The following MYRIP variants were observed in gnomAD, a reference collection of about 807,000 sequenced individuals.
The protein encoded by MYRIP is rab effector MyRIP.
Under a neutral mutation model 98.0 loss-of-function variants are expected in MYRIP, and 49 were observed. The observed-to-expected ratio is 0.50, with a 90% CI of 0.40 to 0.63. The LOEUF is 0.63. Among genes scored for constraint, MYRIP ranks in the 30% least tolerant of loss-of-function variants. MYRIP has a pLI of 0.00. For missense variants in MYRIP, 1,004 were observed against 1,058.2 expected (o/e 0.95, Z 0.71); for synonymous variants, 404 against 409.5 (o/e 0.99, Z 0.16).
Position 39,846,759 on chromosome 3 carries a change from A to G in MYRIP, c.-31+36843A>G, listed in dbSNP as rs72868108. Reference sequence around the variant, plus strand: ...ATCAATACAATATGCATATTTATAGAAATAGATTTATTTTAAAGACTTGGA... The same window carrying G: ...ATCAATACAATATGCATATTTATAGGAATAGATTTATTTTAAAGACTTGGA... On this transcript the variant is annotated intron_variant, in intron 1 of 16. Coordinates refer to ENST00000302541, the MANE Select transcript of MYRIP (RefSeq NM_015460.4). 1.5e-3 allele frequency among the ~76,000 whole-genome samples: 233 copies of G among 152,308 alleles called. 1 individual carries two copies. Among genetic ancestry groups the G allele is most frequent in the African/African-American group, 5.5e-3 (227 of 41,570 alleles).
In MYRIP at chr3:40,251,854, C is replaced by T. The variant is rs973440751; in HGVS notation, c.2429-27C>T. On this transcript the variant is annotated intron_variant, in intron 15 of 16. Coordinates refer to ENST00000302541, the MANE Select transcript of MYRIP (RefSeq NM_015460.4). ...ATCAATCAGTCCATCTTCTGGGTAA[C>T]ATTTTTTCCCATTTATTTCCTTTTA... is the stretch of plus-strand genomic sequence containing the variant. 6.8e-6 allele frequency: 10 copies of T among 1,475,336 alleles called. No homozygotes were observed. In the African/African-American group the frequency reaches 1.1e-4, roughly 16 times the overall value. The allele number at this position is 1,475,336 out of a possible 1,614,324, so 91.4% of individuals were successfully genotyped here.
chr3:39,887,076 C>T, intron 1 of MYRIP, among the ~76,000 whole-genome samples: 1 of 151,892 alleles, frequency 6.6e-6, no homozygotes, highest in African/African-American at 2.4e-5. Context: ...GAACAACCTG[C>T]TCCTGAATGA....
chr3:40,102,596 C>A (rs1476601632), intron 3 of MYRIP, among the ~76,000 whole-genome samples: 1 of 152,038 alleles, frequency 6.6e-6, no homozygotes, highest in Non-Finnish European at 1.5e-5. Context: ...CTCCTGGTTC[C>A]AGTAGTGGCA....
chr3:40,116,712 G>C (rs966258605), intron 3 of MYRIP, among the ~76,000 whole-genome samples: 1 of 152,182 alleles, frequency 6.6e-6, no homozygotes, highest in Non-Finnish European at 1.5e-5. Flanking sequence ...CACAGGGCTA[G>C]AAAACTGAAT....
chr3:39,954,825 T>G (rs550356720), intron 2 of MYRIP, among the ~76,000 whole-genome samples: 9 of 152,194 alleles, frequency 5.9e-5, no homozygotes, highest in African/African-American at 1.9e-4. Flanking sequence ...GGAGAAAACC[T>G]TAAATGACCT....
At chr3:40,052,073 C>T (rs1201359653) in intron 3 of MYRIP, among the ~76,000 whole-genome samples, 3 of 152,032 alleles carry the variant, frequency 2.0e-5, no homozygotes, top group African/African-American at 7.2e-5. Context: ...TTGAAATATA[C>T]AATAAATTGT....
intron 16 of MYRIP, among the ~76,000 whole-genome samples, chr3:40,252,274 A>C (rs1188848182): frequency 6.6e-6 from 1 of 152,148 alleles, no homozygotes; most frequent in Non-Finnish European, 1.5e-5. Context: ...TTTCTACGCA[A>C]GTATAGAGGA....
chr3:40,230,932 TCTG>T (rs1256911740), intron 11 of MYRIP, among the ~76,000 whole-genome samples: 1 of 152,078 alleles, frequency 6.6e-6, no homozygotes, highest in African/African-American at 2.4e-5. Context: ...TTCAAGCAAT[TCTG>T]CTGCTGCAGC....
At chr3:40,072,102 A>G (rs1415828697) in intron 3 of MYRIP, among the ~76,000 whole-genome samples, 1 of 152,230 alleles carries the variant, frequency 6.6e-6, no homozygotes, top group Non-Finnish European at 1.5e-5. Context: ...CAGGGGCCGG[A>G]TGCAGAAAGT....
intron 3 of MYRIP, among the ~76,000 whole-genome samples, chr3:40,056,250 A>T (rs1187146155): frequency 3.3e-5 from 5 of 152,188 alleles, no homozygotes. Flanking sequence ...ATATCTTGTG[A>T]TTCAATTGCC....
At chr3:40,001,422 G>A (rs1048050101) in intron 2 of MYRIP, among the ~76,000 whole-genome samples, 3 of 152,124 alleles carry the variant, frequency 2.0e-5, no homozygotes, top group African/African-American at 7.2e-5. Flanking sequence ...TCAGGCCCTC[G>A]AGTTTCCCTC....
At chr3:39,957,557 C>T (rs1286650790) in intron 2 of MYRIP, among the ~76,000 whole-genome samples, 2 of 152,064 alleles carry the variant, frequency 1.3e-5, no homozygotes, top group Admixed American at 6.6e-5. Context: ...TTATGACAAA[C>T]CCACAGCCAA....
chr3:40,223,270 G>A (rs1342374852), intron 11 of MYRIP, among the ~76,000 whole-genome samples: 1 of 151,640 alleles, frequency 6.6e-6, no homozygotes, highest in African/African-American at 2.4e-5. Context: ...GTCAAAAATA[G>A]TTTAGAAATG....
At chr3:40,049,799 A>G (rs190741902) in intron 3 of MYRIP, among the ~76,000 whole-genome samples, 192 of 152,310 alleles carry the variant, frequency 1.3e-3, no homozygotes, top group Non-Finnish European at 2.2e-3. Flanking sequence ...GGAAGTTAAA[A>G]GTGCTACTCC....
intron 1 of MYRIP, among the ~76,000 whole-genome samples, chr3:39,837,675 C>T (rs1941669209): frequency 6.6e-6 from 1 of 152,114 alleles, no homozygotes; most frequent in Non-Finnish European, 1.5e-5. Context: ...GTTCTTTTTG[C>T]TTAGGATTGT....
intron 2 of MYRIP, among the ~76,000 whole-genome samples, chr3:39,974,833 T>G (rs1324981729): frequency 6.6e-6 from 1 of 151,834 alleles, no homozygotes; most frequent in Non-Finnish European, 1.5e-5. Flanking sequence ...GAAAAGGCCT[T>G]CGAAAAAATT....
intron 1 of MYRIP, among the ~76,000 whole-genome samples, chr3:39,849,274 GA>G (rs1171113802): frequency 5.4e-4 from 82 of 151,966 alleles, no homozygotes; most frequent in Non-Finnish European, 2.6e-4. Flanking sequence ...AATAAGGAAA[GA>G]AAAAAAATTT....
chr3:39,872,710 G>C lies in MYRIP; in HGVS notation c.-30-28077G>C, dbSNP rs1006728513. On this transcript the variant is annotated intron_variant, in intron 1 of 16. Transcript: ENST00000302541. Reference sequence around the variant, plus strand: ...GCATAGTATTCCATGGTGTATATGTGCCACATTTTCTTAATCCAGTCTATC... The same window carrying C: ...GCATAGTATTCCATGGTGTATATGTCCCACATTTTCTTAATCCAGTCTATC... 1.3e-4 allele frequency among the ~76,000 whole-genome samples: 20 copies of C among 152,064 alleles called. No individual in the cohort carries two copies. The East Asian group carries it at 2.7e-3, about 21-fold the overall frequency.
At chr3:39,866,287 A>G (rs562304344) in intron 1 of MYRIP, among the ~76,000 whole-genome samples, 2 of 152,162 alleles carry the variant, frequency 1.3e-5, no homozygotes, top group Admixed American at 6.5e-5. Flanking sequence ...CCCATGACAC[A>G]TAATTTACCT....
Sources: allele counts gnomAD v4.1 joint callset (sites outside exome capture counted in the v4.1 genomes callset), GRCh38; gene constraint gnomAD v4.1.1; transcripts MANE v1.5; gene names NCBI Gene and HGNC (gene_info 2026-07-23, HGNC 2026-07-21).